The following ATP13A5 variants were observed in gnomAD, a reference collection of about 807,000 sequenced individuals.
ATP13A5 encodes probable cation-transporting ATPase 13A5.
Under a neutral mutation model 150.2 loss-of-function variants are expected in ATP13A5, and 149 were observed. The observed-to-expected ratio is 0.99, with a 90% CI of 0.87 to 1.14. ATP13A5 has a LOEUF of 1.14. Among genes scored for constraint, ATP13A5 ranks in the 50% most tolerant of loss-of-function variants. The pLI, the probability that ATP13A5 is intolerant of heterozygous loss-of-function variation, is 0.00. For missense variants in ATP13A5, 1,383 were observed against 1,449.3 expected (o/e 0.95, Z 0.74); for synonymous variants, 497 against 522.2 (o/e 0.95, Z 0.66).
At chr3:193,322,376 G>A (rs540582629) in intron 15 of ATP13A5, 115 bp downstream of exon 15, 50 of 804,462 alleles carry the variant, frequency 6.2e-5, no homozygotes, top group East Asian at 1.7e-4. Context: ...CAAACCAACC[G>A]TGGAAACTGT....
chr3:193,326,941 T>A (rs2108868295), intron 13 of ATP13A5, 55 bp downstream of exon 13: 1 of 1,485,034 alleles, frequency 6.7e-7, no homozygotes, highest in South Asian at 1.1e-5. Context: ...TGGATTTGAG[T>A]ATCATCCAGG....
chr3:193,331,360 TGC>T, intron 11 of ATP13A5, 49 bp from the exon 12 acceptor site: 1 of 1,539,194 alleles, frequency 6.5e-7, no homozygotes, highest in Non-Finnish European at 8.8e-7. Flanking sequence ...CACAGCAGAC[TGC>T]CACCCTTCCT....
intron 15 of ATP13A5, 118 bp downstream of exon 15, chr3:193,322,370 CCAA>C: frequency 1.3e-6 from 1 of 779,238 alleles, no homozygotes. Context: ...AAACAGCAAA[CCAA>C]CCGTGGAAAC....
chr3:193,290,646 T>C (rs1314531194), intron 25 of ATP13A5, among the ~76,000 whole-genome samples: 1 of 152,128 alleles, frequency 6.6e-6, no homozygotes, highest in Non-Finnish European at 1.5e-5. Flanking sequence ...GTATGTTACA[T>C]TAAGAAAAAG....
chr3:193,344,295 T>A (rs529844770), intron 8 of ATP13A5, among the ~76,000 whole-genome samples: 1 of 152,322 alleles, frequency 6.6e-6, no homozygotes, highest in South Asian at 2.1e-4. Flanking sequence ...GTACCTGGTG[T>A]GCTTTGCCCA....
At chr3:193,334,893 G>A (rs1364785508) in intron 10 of ATP13A5, 36 bp downstream of exon 10, 7 of 1,584,242 alleles carry the variant, frequency 4.4e-6, no homozygotes, top group Non-Finnish European at 6.0e-6. Flanking sequence ...CCATGTTCAA[G>A]CATGAATTAA....
intron 6 of ATP13A5, among the ~76,000 whole-genome samples, chr3:193,353,318 T>TAA (rs5855482): frequency 0.011 from 1,687 of 148,316 alleles, 26 homozygotes; most frequent in African/African-American, 0.036. Context: ...AGGTAAGCAT[T>TAA]AAAAAAAAAA....
chr3:193,337,795 G>A (rs1231997329), intron 9 of ATP13A5, among the ~76,000 whole-genome samples: 23 of 152,104 alleles, frequency 1.5e-4, no homozygotes, highest in African/African-American at 4.8e-4. Flanking sequence ...TGATGGGGAT[G>A]GCATTGTATC....
chr3:193,353,049 G>A (rs73888286), intron 6 of ATP13A5, among the ~76,000 whole-genome samples: 1 of 152,050 alleles, frequency 6.6e-6, no homozygotes, highest in Non-Finnish European at 1.5e-5. Context: ...TCCTGTTCCA[G>A]AATAGAGGTT....
chr3:193,302,867 A>G (rs962119036), intron 23 of ATP13A5, among the ~76,000 whole-genome samples: 1 of 152,160 alleles, frequency 6.6e-6, no homozygotes, highest in African/African-American at 2.4e-5. Context: ...GAGCTGAACC[A>G]TATCTAATTT....
At chr3:193,340,403 G>A (rs1712071240) in intron 9 of ATP13A5, among the ~76,000 whole-genome samples, 1 of 152,224 alleles carries the variant, frequency 6.6e-6, no homozygotes, top group Admixed American at 6.5e-5. Context: ...TAAAAGGAAA[G>A]GGAGAAGGAG....
At chr3:193,314,451 A>C in intron 18 of ATP13A5, 1 of 415,566 alleles carries the variant, frequency 2.4e-6, no homozygotes, top group Non-Finnish European at 4.3e-6. Context: ...ATACTTAAGC[A>C]TTTATGACCA....
chr3:193,314,435 A>G (rs1718969964), intron 18 of ATP13A5: 2 of 462,106 alleles, frequency 4.3e-6, no homozygotes, highest in Non-Finnish European at 3.9e-6. Flanking sequence ...GTGAATTAAT[A>G]AAGAAATACT....
At chr3:193,368,023 G>A (rs1022028854) in intron 1 of ATP13A5, among the ~76,000 whole-genome samples, 10 of 149,656 alleles carry the variant, frequency 6.7e-5, no homozygotes, top group Non-Finnish European at 4.5e-5. Context: ...GAAGGGAGGG[G>A]AATAACAATT....
chr3:193,324,786 A>G, intron 14 of ATP13A5, 78 bp downstream of exon 14: 1 of 1,505,066 alleles, frequency 6.6e-7, no homozygotes, highest in Admixed American at 1.9e-5. Flanking sequence ...CTGTGTTTTA[A>G]CAAAAATTAG....
At position 193,285,132 on chromosome 3, in the gene ATP13A5, C is replaced by CA. The variant is rs1402671932; in HGVS notation, c.3024-17dup. ...AAAACACTCACTACAAAAGAATCAC[C>CA]AGTGTTTATGAAACATTTGATTCCA... On this transcript the variant is annotated splice_polypyrimidine_tract_variant and intron_variant, in intron 26 of 29. Coordinates refer to ENST00000342358, the MANE Select transcript of ATP13A5 (RefSeq NM_198505.4). The CA allele has an allele frequency of 1.2e-6, 2 of 1,602,946 alleles. No individual in the cohort carries two copies. The highest frequency in any genetic ancestry group is 3.4e-5 in the Admixed American group (2 of 59,064).
intron 9 of ATP13A5, 136 bp from the exon 10 acceptor site, chr3:193,335,235 T>G: frequency 1.4e-6 from 1 of 716,386 alleles, no homozygotes; most frequent in Non-Finnish European, 2.3e-6. Flanking sequence ...AGATGACTGT[T>G]CATAGAGATG....
chr3:193,327,628 T>C (rs10937580), intron 12 of ATP13A5, among the ~76,000 whole-genome samples: 2 of 152,132 alleles, frequency 1.3e-5, no homozygotes, highest in East Asian at 3.9e-4. Context: ...GGATTTTATT[T>C]TTAGATCAAG....
chr3:193,306,360 T>C (rs1245501540), intron 22 of ATP13A5, among the ~76,000 whole-genome samples: 3 of 152,102 alleles, frequency 2.0e-5, no homozygotes, highest in African/African-American at 7.2e-5. Flanking sequence ...ATGTCCCTTT[T>C]TGCATTTGAT....
Sources: allele counts gnomAD v4.1 joint callset (sites outside exome capture counted in the v4.1 genomes callset), GRCh38; gene constraint gnomAD v4.1.1; transcripts MANE v1.5; gene names NCBI Gene and HGNC (gene_info 2026-07-23, HGNC 2026-07-21).